RGL1: variants seen among roughly 807,000 people sequenced by gnomAD.
RGL1 encodes the protein ral guanine nucleotide dissociation stimulator-like 1.
Under a neutral mutation model 95.2 loss-of-function variants are expected in RGL1, and 24 were observed. That is an observed-to-expected ratio of 0.25 (90% confidence interval 0.18 to 0.35). The LOEUF (loss-of-function observed/expected upper bound fraction) is 0.35, where lower values mean the gene tolerates loss of function less well. Ranked by LOEUF, RGL1 falls within the 10% of genes least tolerant of loss-of-function variation. The pLI is 1.00. For missense variants in RGL1, 715 were observed against 936.3 expected, an observed-to-expected ratio of 0.76 and a Z score of 3.08; for synonymous variants, 329 against 344.9, an observed-to-expected ratio of 0.95 and a Z score of 0.51.
chr1:183,733,200 T>C (rs1230981303), intron 1 of RGL1, among the ~76,000 whole-genome samples: 1 of 152,166 alleles, frequency 6.6e-6, no homozygotes, highest in Admixed American at 6.6e-5. Flanking sequence ...AAATAGGGAT[T>C]GTATCTTCTT....
In RGL1 at chr1:183,884,952, A is replaced by G. The variant is rs763236430; in HGVS notation, c.951+14A>G. On this transcript the variant is annotated intron_variant, in intron 7 of 17. Coordinates refer to ENST00000360851, the MANE Select transcript of RGL1 (RefSeq NM_001297671.3). Reference sequence around the variant, plus strand: ...AACATCGCTCATGTAATTGTCTTTTATAAAATATTCTTTGTGTTTGGTAGA... The same window carrying G: ...AACATCGCTCATGTAATTGTCTTTTGTAAAATATTCTTTGTGTTTGGTAGA... 1.1e-5 allele frequency: 17 copies of G among 1,607,060 alleles called. No individual in the cohort carries two copies. The South Asian group carries it at 1.9e-4, about 18-fold the overall frequency.
chr1:183,698,911 T>C (rs1178176596), intron 1 of RGL1, among the ~76,000 whole-genome samples: 1 of 152,268 alleles, frequency 6.6e-6, no homozygotes, highest in African/African-American at 2.4e-5. Context: ...TCTGTTTTGA[T>C]GTATGTATTG....
chr1:183,681,137 T>C (rs965155175), intron 1 of RGL1, among the ~76,000 whole-genome samples: 1 of 152,206 alleles, frequency 6.6e-6, no homozygotes, highest in Non-Finnish European at 1.5e-5. Context: ...CAATTTGACT[T>C]CCTCTCTTCC....
intron 2 of RGL1, among the ~76,000 whole-genome samples, chr1:183,789,664 T>C (rs1379397169): frequency 6.6e-6 from 1 of 152,104 alleles, no homozygotes; most frequent in African/African-American, 2.4e-5. Context: ...CCTTTACCTC[T>C]ACTGATTTCT....
At chr1:183,636,958 CT>C (rs1238911010) in intron 1 of RGL1, among the ~76,000 whole-genome samples, 1 of 152,200 alleles carries the variant, frequency 6.6e-6, no homozygotes, top group Non-Finnish European at 1.5e-5. Context: ...AGAAGACTGG[CT>C]GTTGCCCTGT....
At chr1:183,805,971 C>CTTTTTTTTTTTTTTTTTTTTTTTTTT (rs751229707) in intron 1 of RGL1, among the ~76,000 whole-genome samples, 27 of 74,642 alleles carry the variant, frequency 3.6e-4, no homozygotes, top group East Asian at 4.7e-4. Flanking sequence ...CTTTTCTTTT[C>CTTTTTTTTTTTTTTTTTTTTTTTTTT]TTTTTTTTTT....
intron 3 of RGL1, 35 bp downstream of exon 3, chr1:183,847,809 A>G: frequency 6.5e-7 from 1 of 1,546,866 alleles, no homozygotes; most frequent in Non-Finnish European, 8.9e-7. Flanking sequence ...GTTGAAAGAA[A>G]TGTAGGCTGA....
upstream of RGL1, chr1:183,805,106 G>T: frequency 1.7e-6 from 1 of 573,842 alleles, no homozygotes; most frequent in South Asian, 6.9e-5. Flanking sequence ...TCGCTCGCTC[G>T]CCGCGCTCCC....
At chr1:183,842,715 A>G (rs1462756265) in intron 2 of RGL1, among the ~76,000 whole-genome samples, 6 of 152,204 alleles carry the variant, frequency 3.9e-5, no homozygotes, top group Non-Finnish European at 8.8e-5. Context: ...GTGCTAACCC[A>G]CAGGACAGGC....
chr1:183,868,235 A>C (rs991532699), intron 4 of RGL1, among the ~76,000 whole-genome samples: 4 of 152,176 alleles, frequency 2.6e-5, no homozygotes, highest in African/African-American at 7.2e-5. Context: ...CATAGAGTAC[A>C]TGTTAGGTGA....
chr1:183,874,480 A>G (rs946152257), intron 4 of RGL1, among the ~76,000 whole-genome samples: 1 of 149,886 alleles, frequency 6.7e-6, no homozygotes, highest in Non-Finnish European at 1.5e-5. Flanking sequence ...TCCTTTCATA[A>G]TCTTTTTCTT....
chr1:183,657,240 T>A (rs1468206805), intron 1 of RGL1, among the ~76,000 whole-genome samples: 1 of 152,172 alleles, frequency 6.6e-6, no homozygotes, highest in East Asian at 1.9e-4. Context: ...TCTTGTTCAG[T>A]TTTTCTAATC....
At chr1:183,793,080 T>TA (rs962986276) in intron 2 of RGL1, among the ~76,000 whole-genome samples, 2 of 152,102 alleles carry the variant, frequency 1.3e-5, no homozygotes, top group Non-Finnish European at 2.9e-5. Context: ...GGTATTGGTT[T>TA]AAAAACAGAC....
At chr1:183,765,511 CA>C (rs1345944972) in intron 2 of RGL1, among the ~76,000 whole-genome samples, 7 of 152,066 alleles carry the variant, frequency 4.6e-5, no homozygotes, top group African/African-American at 4.8e-5. Flanking sequence ...ATGTTTCAAA[CA>C]AAAAAGAGCC....
chr1:183,723,338 C>T (rs1311069004), intron 1 of RGL1, among the ~76,000 whole-genome samples: 3 of 152,186 alleles, frequency 2.0e-5, no homozygotes, highest in Admixed American at 6.5e-5. Context: ...AAAACACCTT[C>T]GTAAGGACTG....
intron 2 of RGL1, among the ~76,000 whole-genome samples, chr1:183,844,065 A>T (rs1303352976): frequency 3.3e-5 from 5 of 152,126 alleles, no homozygotes; most frequent in Admixed American, 3.3e-4. Flanking sequence ...ACCTCAGGTG[A>T]TCCACCCCCC....
At chr1:183,877,200 G>A (rs534754992) in intron 4 of RGL1, among the ~76,000 whole-genome samples, 1 of 152,230 alleles carries the variant, frequency 6.6e-6, no homozygotes, top group South Asian at 2.1e-4. Context: ...AGTGGCTTCT[G>A]TAGTCTAACA....
intron 1 of RGL1, among the ~76,000 whole-genome samples, chr1:183,732,183 T>C (rs1300859677): frequency 6.6e-6 from 1 of 152,180 alleles, no homozygotes; most frequent in Non-Finnish European, 1.5e-5. Flanking sequence ...GCATGATTGC[T>C]GTTGTGCTAA....
chr1:183,645,679 T>C (rs1374103548), intron 1 of RGL1, among the ~76,000 whole-genome samples: 1 of 152,234 alleles, frequency 6.6e-6, no homozygotes, highest in African/African-American at 2.4e-5. Flanking sequence ...GGATCTCACT[T>C]TGTGGAACTA....
Sources: gnomAD v4.1 joint callset for allele counts (sites outside exome capture counted in the v4.1 genomes callset) on GRCh38, gnomAD v4.1.1 for gene constraint, MANE v1.5 for transcripts, NCBI Gene and HGNC (gene_info 2026-07-23, HGNC 2026-07-21) for gene names.